Variants in RPS6KA5 observed in about 807,000 individuals in gnomAD.
RPS6KA5 encodes the protein ribosomal protein S6 kinase alpha-5.
A neutral mutation model predicts 85.5 loss-of-function variants in RPS6KA5; 27 were observed. The ratio of observed to expected loss-of-function variants is 0.32; its 90% confidence interval spans 0.23 to 0.44. RPS6KA5 has a LOEUF of 0.44. Among genes scored for constraint, RPS6KA5 ranks in the 20% least tolerant of loss-of-function variants. The pLI is 1.00. For synonymous variants in RPS6KA5, 334 were observed against 348.2 expected (o/e 0.96, Z 0.46); for missense variants, 811 against 980.9 (o/e 0.83, Z 2.31).
At chr14:90,889,725 A>T (rs1200697431) in intron 14 of RPS6KA5, among the ~76,000 whole-genome samples, 1 of 152,206 alleles carries the variant, frequency 6.6e-6, no homozygotes, top group African/African-American at 2.4e-5. Context: ...TTGTTAAAAA[A>T]TTCAAATATG....
chr14:90,988,049 T>C (rs2040135189), intron 2 of RPS6KA5, among the ~76,000 whole-genome samples: 1 of 152,168 alleles, frequency 6.6e-6, no homozygotes, highest in African/African-American at 2.4e-5. Flanking sequence ...AATGAATGAA[T>C]GAATCCCAAG....
At chr14:91,006,562 C>G (rs1566855691) in intron 1 of RPS6KA5, among the ~76,000 whole-genome samples, 1 of 152,154 alleles carries the variant, frequency 6.6e-6, no homozygotes, top group Admixed American at 6.5e-5. Context: ...ATCTGCAAAC[C>G]AGGAAGTGGG....
chr14:91,044,611 C>A (rs941971489), intron 1 of RPS6KA5, among the ~76,000 whole-genome samples: 1 of 152,026 alleles, frequency 6.6e-6, no homozygotes. Flanking sequence ...CGGTGGCTCA[C>A]GCCTGTAATT....
rs1466305333 is a variant in RPS6KA5 at position 90,861,108 on chromosome 14, G to C, written c.*10966C>G. 1 of 151,372 alleles carries C rather than the reference G, an allele frequency of 6.6e-6. No homozygotes were observed. The allele number at this position is 151,372 out of a possible 1,614,324, so 9.4% of individuals were successfully genotyped here. ...GGGTTTCACCATGTTAGCCAGGCTG[G>C]TCTCGAACTCCTGACCTCAGGTGAT... On this transcript the variant is annotated 3_prime_UTR_variant, in exon 17 of 17. Transcript: ENST00000614987.
chr14:91,039,563 A>G (rs2042525686), intron 1 of RPS6KA5, among the ~76,000 whole-genome samples: 1 of 152,200 alleles, frequency 6.6e-6, no homozygotes, highest in Non-Finnish European at 1.5e-5. Flanking sequence ...GTGGGACATC[A>G]AGGTCCTTAT....
At chr14:90,938,012 C>T (rs986992220) in intron 5 of RPS6KA5, among the ~76,000 whole-genome samples, 6 of 152,186 alleles carry the variant, frequency 3.9e-5, no homozygotes, top group Non-Finnish European at 8.8e-5. Context: ...TCCAAAGTCT[C>T]ATCTGAGACA....
At chr14:90,885,741 C>CAAAAAATAAAAAA (rs2034167060) in intron 14 of RPS6KA5, among the ~76,000 whole-genome samples, 1 of 27,874 alleles carries the variant, frequency 3.6e-5, no homozygotes, top group South Asian at 1.8e-3. Context: ...GACTCCATCT[C>CAAAAAATAAAAAA]AAAAAAAAAA....
chr14:91,019,179 G>A (rs1208005012), intron 1 of RPS6KA5, among the ~76,000 whole-genome samples: 1 of 152,118 alleles, frequency 6.6e-6, no homozygotes, highest in East Asian at 1.9e-4. Context: ...ACTTGTGGGA[G>A]TTAATTTTAT....
intron 1 of RPS6KA5, among the ~76,000 whole-genome samples, chr14:91,016,839 G>T (rs11848326): frequency 0.16 from 23,036 of 147,372 alleles, 1,894 homozygotes; most frequent in East Asian, 0.32. Context: ...TAAGGAAGAG[G>T]TATTTGGCTA....
At chr14:90,905,662 G>T (rs188057920) in intron 8 of RPS6KA5, among the ~76,000 whole-genome samples, 153 of 152,266 alleles carry the variant, frequency 1.0e-3, no homozygotes, top group African/African-American at 3.6e-3. Flanking sequence ...TATGTGTCAT[G>T]AATATGTAAC....
chr14:90,989,971 T>C (rs2040232989), intron 2 of RPS6KA5, among the ~76,000 whole-genome samples: 1 of 152,096 alleles, frequency 6.6e-6, no homozygotes, highest in Admixed American at 6.5e-5. Flanking sequence ...AGAGAACAAG[T>C]CAGTGCTATG....
intron 1 of RPS6KA5, among the ~76,000 whole-genome samples, chr14:91,039,309 T>C (rs976051839): frequency 1.3e-5 from 2 of 152,166 alleles, no homozygotes; most frequent in African/African-American, 4.8e-5. Flanking sequence ...CCATGGTAGA[T>C]AATAAATGTC....
intron 1 of RPS6KA5, among the ~76,000 whole-genome samples, chr14:91,020,045 G>GCA (rs1252183668): frequency 6.6e-6 from 1 of 152,134 alleles, no homozygotes; most frequent in Non-Finnish European, 1.5e-5. Context: ...GAGCACAATG[G>GCA]CAAGTATTTG....
At position 90,972,781 on chromosome 14, in the gene RPS6KA5, G is replaced by A. The variant is rs191928347; in HGVS notation, c.394+5525C>T. 5.2e-3 allele frequency among the ~76,000 whole-genome samples: 794 copies of A among 152,176 alleles called. 3 individuals are homozygous for A. Among genetic ancestry groups the A allele is most frequent in the Middle Eastern group, 0.01 (3 of 294 alleles). ...ATACATAAATTTTTGCATGGTAAATGCATCATAACCAAACTCAAAAAAATA... is the reference window on the plus strand; with the variant it reads ...ATACATAAATTTTTGCATGGTAAATACATCATAACCAAACTCAAAAAAATA... On this transcript the variant is annotated intron_variant, in intron 3 of 16. Coordinates refer to ENST00000614987, the MANE Select transcript of RPS6KA5 (RefSeq NM_004755.4).
At chr14:90,960,094 T>C (rs1430854585) in intron 3 of RPS6KA5, among the ~76,000 whole-genome samples, 2 of 152,134 alleles carry the variant, frequency 1.3e-5, no homozygotes, top group Non-Finnish European at 2.9e-5. Context: ...TTAACTATCC[T>C]AGAGATTCTT....
At chr14:90,943,035 T>C in intron 5 of RPS6KA5, 43 bp downstream of exon 5, 1 of 1,103,760 alleles carries the variant, frequency 9.1e-7, no homozygotes, top group Non-Finnish European at 1.4e-6. Flanking sequence ...TTCATCCTTG[T>C]TTACATGCTG....
At chr14:90,944,338 C>T (rs184344286) in intron 4 of RPS6KA5, among the ~76,000 whole-genome samples, 1 of 152,278 alleles carries the variant, frequency 6.6e-6, no homozygotes, top group African/African-American at 2.4e-5. Flanking sequence ...CACTAGGGGC[C>T]AGGCACAGTG....
chr14:91,035,096 A>G (rs1211746989), intron 1 of RPS6KA5, among the ~76,000 whole-genome samples: 2 of 152,100 alleles, frequency 1.3e-5, no homozygotes, highest in African/African-American at 4.8e-5. Flanking sequence ...ATATGGAAAG[A>G]CTTCAAAGGA....
intron 2 of RPS6KA5, among the ~76,000 whole-genome samples, chr14:90,994,379 C>A (rs1481287883): frequency 6.6e-6 from 1 of 151,650 alleles, no homozygotes; most frequent in Admixed American, 6.6e-5. Flanking sequence ...TTTCTCCAAT[C>A]TGTCTGGTCA....
Sources: allele counts gnomAD v4.1 joint callset (sites outside exome capture counted in the v4.1 genomes callset), GRCh38; gene constraint gnomAD v4.1.1; transcripts MANE v1.5; gene names NCBI Gene and HGNC (gene_info 2026-07-23, HGNC 2026-07-21).